ACAA1: variants seen among roughly 807,000 people sequenced by gnomAD.
The protein encoded by ACAA1 is 3-ketoacyl-CoA thiolase, peroxisomal.
ACAA1 carries 44 observed loss-of-function variants against 48.8 expected under a neutral mutation model. The observed-to-expected ratio is 0.90, with a 90% CI of 0.71 to 1.16. The LOEUF (loss-of-function observed/expected upper bound fraction) is 1.16. Among genes scored for constraint, ACAA1 ranks in the 50% most tolerant of loss-of-function variants. The pLI, the probability that ACAA1 is intolerant of heterozygous loss-of-function variation, is 0.00. For missense variants in ACAA1, 512 were observed against 562.3 expected, an observed-to-expected ratio of 0.91 and a Z score of 0.90; for synonymous variants, 233 against 226.5, an observed-to-expected ratio of 1.03 and a Z score of -0.26.
chr3:38,130,882 A>G (rs1245021703), intron 5 of ACAA1, among the ~76,000 whole-genome samples: 1 of 152,248 alleles, frequency 6.6e-6, no homozygotes, highest in African/African-American at 2.4e-5. Flanking sequence ...TGTGAAAGGC[A>G]GCGGAGGCAT....
At position 38,129,954 on chromosome 3, in the gene ACAA1, G is replaced by A. The variant is rs1027145806; in HGVS notation, c.447-566C>T. ...GGGTGGGAGGCTGAGGCAGGAGAAT[G>A]GCGTAAACCCAGGAGGCGGAACTTG... is the stretch of plus-strand genomic sequence containing the variant. On this transcript the variant is annotated intron_variant, in intron 5 of 11. Coordinates refer to ENST00000333167, the MANE Select transcript of ACAA1 (RefSeq NM_001607.4). This position sits in a 1 kb window ranked among gnomAD's most constrained non-coding sequence, Gnocchi z 5.3. Among the ~76,000 whole-genome samples, 3 of 152,170 alleles carry A rather than the reference G, an allele frequency of 2.0e-5. No individual in the cohort carries two copies. The highest frequency in any genetic ancestry group is 2.1e-4 in the South Asian group (1 of 4,828).
At position 38,125,830 on chromosome 3, in the gene ACAA1, C is replaced by T; in HGVS notation, c.1049G>A (p.Ser350Asn). 3 of 1,614,238 alleles carry T rather than the reference C, an allele frequency of 1.9e-6. No individual in the cohort carries two copies. Among genetic ancestry groups the T allele is most frequent in the Non-Finnish European group, 2.5e-6 (3 of 1,180,032 alleles). The change falls in exon 10 of 12, where the codon AGC (serine) becomes AAC (asparagine). Residue 350 changes from serine to asparagine, a missense_variant. Transcript: ENST00000333167. ...CATTGAGAAACAAGGGCTCACCTGG[C>T]TTGCAAAGGCCTCATTGATCTCGAA... ...DIFEINEAFA[S>N]QAAYCVEKLR... is the part of the protein sequence containing the mutation.
In ACAA1 at chr3:38,131,931, A is replaced by G. The variant is rs758262605; in HGVS notation, c.398T>C (p.Ile133Thr). ...CCCACCCAGTCATAACTTACCTGCTATGCTGGCCACTGCCTGTAGCCCCGA... is the reference window on the plus strand; with the variant it reads ...CCCACCCAGTCATAACTTACCTGCTGTGCTGGCCACTGCCTGTAGCCCCGA... ...CSSGLQAVASIAGGIRNGSYD... is the reference protein window; with the variant it reads ...CSSGLQAVASTAGGIRNGSYD... The change falls in exon 4 of 12, where the codon ATA becomes ACA. Residue 133 changes from isoleucine (I) to threonine (T), a missense_variant. Ile to Thr is a moderately conservative substitution (Grantham distance 89, BLOSUM62 -1). Coordinates refer to ENST00000333167, the MANE Select transcript of ACAA1 (RefSeq NM_001607.4). The G allele has an allele frequency of 2.5e-6, 4 of 1,613,718 alleles. No homozygotes were observed. The highest frequency in any genetic ancestry group is 3.4e-6 in the Non-Finnish European group (4 of 1,179,622).
chr3:38,133,818 G>T, intron 3 of ACAA1, 134 bp downstream of exon 3: 1 of 824,612 alleles, frequency 1.2e-6, no homozygotes, highest in Non-Finnish European at 2.0e-6. Context: ...ACAAGAGCAG[G>T]GAGCCAAGGA....
chr3:38,133,863 C>T lies in ACAA1; in HGVS notation c.323+89G>A. The T allele has an allele frequency of 2.8e-6, 4 of 1,406,536 alleles. No individual in the cohort carries two copies. In the South Asian group the frequency reaches 3.5e-5, roughly 12 times the overall value. 87.1% of individuals were successfully genotyped at this position (1,406,536 alleles called of 1,614,324 possible). ...CCTCATTCTGGTGTCCAACCTTATCCTCCCCAACCTGCACACTGAGTTTCC... is the reference window on the plus strand; with the variant it reads ...CCTCATTCTGGTGTCCAACCTTATCTTCCCCAACCTGCACACTGAGTTTCC... On this transcript the variant is annotated intron_variant, in intron 3 of 11. Coordinates refer to ENST00000333167, the MANE Select transcript of ACAA1 (RefSeq NM_001607.4).
In ACAA1 at chr3:38,136,601, T is replaced by C. The variant is rs766833478; in HGVS notation, c.256A>G (p.Ile86Val). The change falls in exon 2 of 12, where the codon ATC becomes GTC. Residue 86 changes from isoleucine to valine, a missense_variant. Physicochemically the swap from Ile to Val is conservative, Grantham distance 29 (BLOSUM62 3). Transcript: ENST00000333167. ...TGAGTGGTTCGCTCACCGACACAGA[T>C]GTCCCCCAGCTGTTCCGGCCTCAGA... The part of the protein sequence containing the change: ...VNLRPEQLGD[I>V]CVGNVLQPGA... 6 of 1,613,878 alleles carry C rather than the reference T, an allele frequency of 3.7e-6. No homozygotes were observed. In the East Asian group the frequency reaches 1.1e-4, roughly 30 times the overall value.
At position 38,136,818 on chromosome 3, in the gene ACAA1, C is replaced by T. The variant is rs779067061; in HGVS notation, c.171+47G>A. On this transcript the variant is annotated intron_variant, in intron 1 of 11. Coordinates refer to ENST00000333167, the MANE Select transcript of ACAA1 (RefSeq NM_001607.4). ...CAAACATACGAACCGGACCCCAGCC[C>T]GCGCCGGCGTCTTCCCACACTCGGC... 6 of 1,486,980 alleles carry T rather than the reference C, an allele frequency of 4.0e-6. No homozygotes were observed. In the Admixed American group the frequency reaches 1.3e-4, roughly 31 times the overall value. The allele number at this position is 1,486,980 out of a possible 1,614,324, so 92.1% of individuals were successfully genotyped here. A position where few individuals can be genotyped will look rare whatever the true frequency, so the allele number is the denominator to read the frequency against.
Position 38,127,812 on chromosome 3 carries a change from A to G in ACAA1, c.600T>C (p.Asp200=), listed in dbSNP as rs1354590540. The change falls in exon 7 of 12, where the codon GAT becomes GAC. Residue 200 remains aspartate, a synonymous_variant. Coordinates refer to ENST00000333167, the MANE Select transcript of ACAA1 (RefSeq NM_001607.4). The stretch of plus-strand genomic sequence containing the variant: ...TCTGCTGGGAAGCCAGGGCAAAGGT[A>G]TCCTGCTTCTCCCGTGAAATGCCAA... The part of the protein sequence containing the change: ...ERFGISREKQ[D]TFALASQQKA... The G allele has an allele frequency of 1.9e-6, 3 of 1,614,076 alleles. No homozygotes were observed. The highest frequency in any genetic ancestry group is 2.5e-6 in the Non-Finnish European group (3 of 1,180,046).
At position 38,131,993 on chromosome 3, in the gene ACAA1, C is replaced by T. The variant is rs563704732; in HGVS notation, c.336G>A (p.Glu112=). 1.0e-4 allele frequency: 165 copies of T among 1,613,668 alleles called. 1 individual carries two copies. The South Asian group carries it at 1.7e-3, about 17-fold the overall frequency. The change falls in exon 4 of 12, where the codon GAG becomes GAA. Residue 112 remains glutamate (E), a synonymous_variant. Transcript: ENST00000333167. The stretch of plus-strand genomic sequence containing the variant: ...TATTGACAGTGGACAAAGGCACAGT[C>T]TCCGGGATGTCACTGAAACAGAAGG... ...RIAQFLSDIP[E]TVPLSTVNRQ...
In ACAA1 at chr3:38,126,290, C is replaced by G; in HGVS notation, c.869G>C (p.Arg290Thr). Residue 290 changes from arginine to threonine, a missense_variant, in exon 9 of 12, where the codon AGG becomes ACG. Physicochemically the swap from Arg to Thr is moderately conservative, Grantham distance 71 (BLOSUM62 -1). Transcript: ENST00000333167. The surrounding 1 kb of genome is among the most constrained non-coding windows in gnomAD (Gnocchi z 4.7). ...AAGGCCCAACTCTTCTGCCTTGGAC[C>G]TCCGGGCCAGCAGGATGGCAGCTGC... ...DGAAAILLAR[R>T]SKAEELGLPI... 2 of 1,614,210 alleles carry G rather than the reference C, an allele frequency of 1.2e-6. No individual in the cohort carries two copies. Among genetic ancestry groups the G allele is most frequent in the Non-Finnish European group, 1.7e-6 (2 of 1,180,024 alleles).
chr3:38,135,028 T>C (rs1700862652), intron 2 of ACAA1, among the ~76,000 whole-genome samples: 1 of 152,160 alleles, frequency 6.6e-6, no homozygotes, highest in Non-Finnish European at 1.5e-5. Context: ...AACCGCCCTG[T>C]GGCTGGAAGC....
At chr3:38,130,928 G>A (rs147680342) in intron 5 of ACAA1, among the ~76,000 whole-genome samples, 13 of 152,324 alleles carry the variant, frequency 8.5e-5, no homozygotes, top group African/African-American at 2.9e-4. Flanking sequence ...CCCCCAGCCT[G>A]CCAAAGACCT....
At chr3:38,136,328 T>A (rs1301435255) in intron 2 of ACAA1, among the ~76,000 whole-genome samples, 1 of 152,188 alleles carries the variant, frequency 6.6e-6, no homozygotes, top group Admixed American at 6.5e-5. Flanking sequence ...GTGAAAATAG[T>A]AATCAATAAA....
intron 7 of ACAA1, among the ~76,000 whole-genome samples, chr3:38,127,090 T>G (rs1279205866): frequency 2.6e-5 from 4 of 152,240 alleles, no homozygotes. Context: ...ATTCCCCAGT[T>G]TCCGCCTATT....
chr3:38,131,673 A>G (rs1332961350), intron 4 of ACAA1, 35 bp from the exon 5 acceptor site: 4 of 1,612,034 alleles, frequency 2.5e-6, no homozygotes, highest in Admixed American at 1.7e-5. Context: ...ATCCTTTGCC[A>G]GAGTCCACCT....
At chr3:38,134,174 C>T in intron 2 of ACAA1, 165 bp from the exon 3 acceptor site, 1 of 657,698 alleles carries the variant, frequency 1.5e-6, no homozygotes, top group East Asian at 2.8e-5. Flanking sequence ...CAGGGAGAGC[C>T]AGCCATACAA....
chr3:38,134,291 T>C (rs955898828), intron 2 of ACAA1: 42 of 524,698 alleles, frequency 8.0e-5, no homozygotes, highest in Non-Finnish European at 1.4e-4. Flanking sequence ...TTGTCTGCCC[T>C]TAAAAGTGAA....
At chr3:38,128,439 A>G (rs1700722235) in intron 6 of ACAA1, among the ~76,000 whole-genome samples, 1 of 152,082 alleles carries the variant, frequency 6.6e-6, no homozygotes, top group Non-Finnish European at 1.5e-5. Flanking sequence ...CTTCCCTTGG[A>G]GATACAGTAT....
In ACAA1 at chr3:38,131,855, C is replaced by A; in HGVS notation, c.403+71G>T. The stretch of plus-strand genomic sequence containing the variant: ...TCAGAAATGGTAATTATTGCTTGCC[C>A]GGCAGACAGCGACTTTGCTGACCCA... On this transcript the variant is annotated intron_variant, in intron 4 of 11. Transcript: ENST00000333167. 2.8e-6 allele frequency: 4 copies of A among 1,452,020 alleles called. No individual in the cohort carries two copies. In the Admixed American group the frequency reaches 5.1e-5, roughly 18 times the overall value. 89.9% of individuals were successfully genotyped at this position (1,452,020 alleles called of 1,614,324 possible).
Sources: gnomAD v4.1 joint callset for allele counts (sites outside exome capture counted in the v4.1 genomes callset) on GRCh38, gnomAD v4.1.1 for gene constraint, Gnocchi (gnomAD v3.1) non-coding constraint, MANE v1.5 for transcripts, NCBI Gene and HGNC (gene_info 2026-07-23, HGNC 2026-07-21) for gene names.